Variants in TBC1D5 observed in about 807,000 individuals in gnomAD.
TBC1D5 encodes the protein TBC1 domain family member 5.
A neutral mutation model predicts 100.3 loss-of-function variants in TBC1D5; 75 were observed. The ratio of observed to expected loss-of-function variants is 0.75; its 90% CI spans 0.62 to 0.91. The LOEUF is 0.91. TBC1D5 is among the 40% of genes least tolerant of loss of function. TBC1D5 has a pLI of 0.00. For synonymous variants in TBC1D5, 323 were observed against 325.6 expected, an observed-to-expected ratio of 0.99 and a Z score of 0.09; for missense variants, 910 against 942.4, an observed-to-expected ratio of 0.97 and a Z score of 0.45.
At chr3:17,395,289 A>G (rs1051992135) in intron 8 of TBC1D5, among the ~76,000 whole-genome samples, 10 of 152,100 alleles carry the variant, frequency 6.6e-5, no homozygotes, top group Non-Finnish European at 8.8e-5. Context: ...TTCCTACCAT[A>G]ATGGTAAAAA....
rs547284536 is a variant in TBC1D5 at position 17,501,325 on chromosome 3, T to G, written c.97+7149A>C. The stretch of plus-strand genomic sequence containing the variant: ...AACACCACACAATGTTTCACCAAAT[T>G]AATGCACTTATCAAACACATAAGAA... On this transcript the variant is annotated intron_variant, in intron 3 of 21. Coordinates refer to ENST00000253692, the Ensembl canonical transcript of TBC1D5. Among the ~76,000 whole-genome samples, 2 of 149,792 alleles carry G rather than the reference T, an allele frequency of 1.3e-5. 1 individual carries two copies. The highest frequency in any genetic ancestry group is 4.2e-4 in the South Asian group (2 of 4,732).
intron 1 of TBC1D5, among the ~76,000 whole-genome samples, chr3:17,703,322 CAT>C (rs1309085068): frequency 6.6e-6 from 1 of 151,826 alleles, no homozygotes; most frequent in Non-Finnish European, 1.5e-5. Context: ...AAAATCCCTA[CAT>C]ATATAGATAC....
At chr3:17,504,714 G>C (rs1290940042) in intron 3 of TBC1D5, among the ~76,000 whole-genome samples, 2 of 152,300 alleles carry the variant, frequency 1.3e-5, no homozygotes, top group African/African-American at 4.8e-5. Context: ...GATGACTCCA[G>C]CTAGTTAGCC....
At chr3:17,222,209 C>T (rs935005626) in intron 17 of TBC1D5, among the ~76,000 whole-genome samples, 29 of 152,150 alleles carry the variant, frequency 1.9e-4, no homozygotes, top group Admixed American at 6.5e-4. Context: ...AGATATTTTA[C>T]AGTCTTTCTT....
intron 13 of TBC1D5, among the ~76,000 whole-genome samples, chr3:17,364,002 GAAC>G (rs1222575087): frequency 1.3e-5 from 2 of 149,758 alleles, no homozygotes; most frequent in Non-Finnish European, 3.0e-5. Flanking sequence ...ATCGAGCAAA[GAAC>G]AACACAAGAA....
intron 3 of TBC1D5, among the ~76,000 whole-genome samples, chr3:17,449,689 C>T (rs776431095): frequency 3.3e-5 from 5 of 152,202 alleles, no homozygotes; most frequent in Non-Finnish European, 5.9e-5. Context: ...TAGATTCCTC[C>T]TCTCTGGGCA....
At chr3:17,725,930 A>G (rs13069155) in intron 1 of TBC1D5, among the ~76,000 whole-genome samples, 76,031 of 151,992 alleles carry the variant, frequency 0.5, 20,549 homozygotes, top group East Asian at 0.94. Flanking sequence ...TGTGTACTCA[A>G]TGTTTAGCTC....
chr3:17,345,933 G>T (rs188447491), intron 13 of TBC1D5, among the ~76,000 whole-genome samples: 13,399 of 151,242 alleles, frequency 0.089, 1,298 homozygotes, highest in African/African-American at 0.25. Context: ...GTGGGGAGAG[G>T]GGGGAGGGAT....
chr3:17,211,190 G>A (rs570374478), intron 18 of TBC1D5, among the ~76,000 whole-genome samples: 1 of 152,288 alleles, frequency 6.6e-6, no homozygotes, highest in Admixed American at 6.5e-5. Context: ...TGTTTGGATG[G>A]AGCTCATTAA....
Position 17,374,680 on chromosome 3 carries a change from C to T in TBC1D5, c.702-1G>A. On this transcript the variant is annotated splice_acceptor_variant, in intron 10 of 21. Transcript: ENST00000253692. LOFTEE classifies it high-confidence loss of function. ...GTTCAAGACAGTTTTCATTTCCTCACTTAAAAAAGCAATACAAGCAATCAA... is the reference window on the plus strand; with the variant it reads ...GTTCAAGACAGTTTTCATTTCCTCATTTAAAAAAGCAATACAAGCAATCAA... The T allele has an allele frequency of 1.9e-6, 3 of 1,610,000 alleles. No homozygotes were observed. The highest frequency in any genetic ancestry group is 1.1e-5 in the South Asian group (1 of 90,602).
intron 18 of TBC1D5, among the ~76,000 whole-genome samples, chr3:17,195,387 G>C (rs181917194): frequency 1.4e-4 from 22 of 152,332 alleles, no homozygotes; most frequent in African/African-American, 3.6e-4. Context: ...AAACCAGCCA[G>C]CCAGCACCAG....
chr3:17,558,859 CTGCTTAAAAACATAAAACCATTCT>C (rs767268395), intron 2 of TBC1D5, among the ~76,000 whole-genome samples: 13 of 152,126 alleles, frequency 8.5e-5, no homozygotes, highest in Non-Finnish European at 1.6e-4. Context: ...ATTTTTTAAA[CTGCTTAAAAACATAAAACCATTCT>C]TGGTTTGTAG....
At chr3:17,697,742 T>C (rs542008762) in intron 1 of TBC1D5, among the ~76,000 whole-genome samples, 10 of 151,496 alleles carry the variant, frequency 6.6e-5, no homozygotes, top group Admixed American at 2.6e-4. Flanking sequence ...CTTCACAGAA[T>C]TGGAAAAAAC....
chr3:17,534,058 GAGTT>G (rs1202729699), intron 2 of TBC1D5, among the ~76,000 whole-genome samples: 1 of 152,150 alleles, frequency 6.6e-6, no homozygotes, highest in Non-Finnish European at 1.5e-5. Context: ...GCAGATGGAA[GAGTT>G]AGAGTATTGT....
chr3:17,483,553 A>G (rs1371876859), intron 3 of TBC1D5, among the ~76,000 whole-genome samples: 1 of 152,176 alleles, frequency 6.6e-6, no homozygotes, highest in African/African-American at 2.4e-5. Flanking sequence ...ATACTATTAC[A>G]CTAAGTTTTT....
At chr3:17,650,947 T>C (rs2065489421) in intron 1 of TBC1D5, among the ~76,000 whole-genome samples, 1 of 152,214 alleles carries the variant, frequency 6.6e-6, no homozygotes, top group African/African-American at 2.4e-5. Context: ...TTTCATTTTA[T>C]TAATCTGGAG....
chr3:17,630,331 C>T (rs926658218), intron 1 of TBC1D5, among the ~76,000 whole-genome samples: 12 of 152,022 alleles, frequency 7.9e-5, no homozygotes, highest in Non-Finnish European at 1.6e-4. Context: ...TATATATGTG[C>T]GATACAATAT....
At chr3:17,168,800 T>C (rs1349956782) in intron 19 of TBC1D5, among the ~76,000 whole-genome samples, 1 of 152,158 alleles carries the variant, frequency 6.6e-6, no homozygotes, top group Non-Finnish European at 1.5e-5. Context: ...CGTAAAAAAA[T>C]GCCCACTTAC....
At chr3:17,691,591 G>T (rs1264115845) in intron 1 of TBC1D5, among the ~76,000 whole-genome samples, 1 of 152,132 alleles carries the variant, frequency 6.6e-6, no homozygotes, top group Admixed American at 6.5e-5. Context: ...GGCCAAAGCG[G>T]GTGGATCATG....
Sources: gnomAD v4.1 joint callset for allele counts (sites outside exome capture counted in the v4.1 genomes callset) on GRCh38, gnomAD v4.1.1 for gene constraint, MANE v1.5 for transcripts, NCBI Gene and HGNC (gene_info 2026-07-23, HGNC 2026-07-21) for gene names.